RCSD1: variants seen among roughly 807,000 people sequenced by gnomAD.
RCSD1 encodes RCSD domain containing 1.
RCSD1 carries 26 observed loss-of-function variants against 42.5 expected under a neutral mutation model. The observed-to-expected ratio is 0.61, with a 90% CI of 0.45 to 0.85. The LOEUF (loss-of-function observed/expected upper bound fraction) is 0.85, where lower values mean the gene tolerates loss of function less well. Ranked by LOEUF, RCSD1 falls within the 40% of genes least tolerant of loss-of-function variation. The pLI is 0.00. For missense variants in RCSD1, 571 were observed against 528.3 expected (o/e 1.08, Z -0.79); for synonymous variants, 220 against 212.2 (o/e 1.04, Z -0.32).
chr1:167,655,345 T>G (rs928843035), intron 1 of RCSD1, among the ~76,000 whole-genome samples: 1 of 152,126 alleles, frequency 6.6e-6, no homozygotes, highest in African/African-American at 2.4e-5. Context: ...TTGTTTTCCC[T>G]GTGAAGAAAA....
chr1:167,667,296 T>C (rs1658684178), intron 1 of RCSD1, among the ~76,000 whole-genome samples: 1 of 152,188 alleles, frequency 6.6e-6, no homozygotes, highest in Non-Finnish European at 1.5e-5. Flanking sequence ...AGCCTCTCCC[T>C]TGGTGACTGA....
At chr1:167,669,859 C>T (rs1419072027) in intron 1 of RCSD1, among the ~76,000 whole-genome samples, 1 of 152,188 alleles carries the variant, frequency 6.6e-6, no homozygotes, top group Non-Finnish European at 1.5e-5. Flanking sequence ...GACGCTGTAA[C>T]AGGAGAGGCT....
chr1:167,703,087 A>G (rs756184656), intron 6 of RCSD1, among the ~76,000 whole-genome samples: 13 of 151,990 alleles, frequency 8.6e-5, no homozygotes, highest in Non-Finnish European at 1.5e-4. Flanking sequence ...AGAATCCCCT[A>G]CCTTTGTAAC....
At chr1:167,669,906 T>C (rs1203341676) in intron 1 of RCSD1, among the ~76,000 whole-genome samples, 1 of 152,118 alleles carries the variant, frequency 6.6e-6, no homozygotes, top group Non-Finnish European at 1.5e-5. Flanking sequence ...GCTGGGTCCT[T>C]AGGAAATTTG....
At position 167,704,835 on chromosome 1, in the gene RCSD1, G is replaced by T; in HGVS notation, c.*139G>T. On this transcript the variant is annotated 3_prime_UTR_variant, in exon 7 of 7. Transcript: ENST00000367854. ...TGTCTGGAGTCAGCCTGAAGACACAGGGTGGATTATTTCCTGGCCTCCACA... is the reference window on the plus strand; with the variant it reads ...TGTCTGGAGTCAGCCTGAAGACACATGGTGGATTATTTCCTGGCCTCCACA... 4 of 788,944 alleles carry T rather than the reference G, an allele frequency of 5.1e-6. No individual in the cohort carries two copies. The highest frequency in any genetic ancestry group is 8.3e-6 in the Non-Finnish European group (4 of 479,604). 48.9% of individuals were successfully genotyped at this position (788,944 alleles called of 1,614,324 possible).
rs145000061 is a variant in RCSD1 at position 167,649,045 on chromosome 1, T to G, written c.6+18616T>G. On this transcript the variant is annotated intron_variant, in intron 1 of 6. Coordinates refer to ENST00000367854, the MANE Select transcript of RCSD1 (RefSeq NM_052862.4). ...GTGATTGAAACAGTTTGGTTAAGTA[T>G]TCTAAGAGATCTGTGCTCAGAACAC... Among the ~76,000 whole-genome samples, 552 of 152,246 alleles carry G rather than the reference T, an allele frequency of 3.6e-3. 2 individuals are homozygous for G. The highest frequency in any genetic ancestry group is 0.012 in the African/African-American group (506 of 41,530).
At chr1:167,645,261 A>C (rs966616365) in intron 1 of RCSD1, among the ~76,000 whole-genome samples, 2 of 152,212 alleles carry the variant, frequency 1.3e-5, no homozygotes, top group Admixed American at 1.3e-4. Context: ...CTTTAGGAAA[A>C]TTTCATGCAC....
At chr1:167,630,610 TC>T in intron 1 of RCSD1, 181 bp downstream of exon 1, 1 of 528,162 alleles carries the variant, frequency 1.9e-6, no homozygotes, top group Non-Finnish European at 3.0e-6. Flanking sequence ...TCGTCCCTGG[TC>T]CCACCTAGGA....
At position 167,692,521 on chromosome 1, in the gene RCSD1, TTA is replaced by T. The variant is rs574173624; in HGVS notation, c.271-1576_271-1575del. On this transcript the variant is annotated intron_variant, in intron 4 of 6. Coordinates refer to ENST00000367854, the MANE Select transcript of RCSD1 (RefSeq NM_052862.4). The stretch of plus-strand genomic sequence containing the variant: ...TACTCCCCATATGCCGCTTTTTTTT[TTA>T]TTTTTATTTTTTTTAGACAAGGTCT... 8.5e-3 allele frequency among the ~76,000 whole-genome samples: 1,296 copies of T among 151,582 alleles called. 15 individuals carry two copies. The highest frequency in any genetic ancestry group is 0.03 in the African/African-American group (1,244 of 41,230).
At chr1:167,682,379 G>T (rs1659103246) in intron 1 of RCSD1, among the ~76,000 whole-genome samples, 1 of 152,154 alleles carries the variant, frequency 6.6e-6, no homozygotes, top group Non-Finnish European at 1.5e-5. Context: ...ACGTTGGCTA[G>T]ACTGGTCTCG....
chr1:167,686,010 A>G (rs1345488512), intron 3 of RCSD1, among the ~76,000 whole-genome samples: 32 of 152,252 alleles, frequency 2.1e-4, no homozygotes, highest in Admixed American at 2.0e-3. Context: ...CAGAGCGCAC[A>G]GGAGGCCTCG....
chr1:167,672,544 C>T (rs1483434579), intron 1 of RCSD1, among the ~76,000 whole-genome samples: 1 of 152,150 alleles, frequency 6.6e-6, no homozygotes, highest in Non-Finnish European at 1.5e-5. Flanking sequence ...TGGCTCCTTC[C>T]TCCATCTTCA....
Position 167,685,102 on chromosome 1 carries a change from C to A in RCSD1, c.109-319C>A, listed in dbSNP as rs187607457. On this transcript the variant is annotated intron_variant, in intron 2 of 6. Coordinates refer to ENST00000367854, the MANE Select transcript of RCSD1 (RefSeq NM_052862.4). Reference sequence around the variant, plus strand: ...GCATTGATCTCAGGTGCTGGCACTGCCTGAAAACTGAATGTGATTCAGGTC... The same window carrying A: ...GCATTGATCTCAGGTGCTGGCACTGACTGAAAACTGAATGTGATTCAGGTC... 5.3e-5 allele frequency among the ~76,000 whole-genome samples: 8 copies of A among 152,150 alleles called. No individual in the cohort carries two copies. The East Asian group carries it at 1.2e-3, about 22-fold the overall frequency.
At chr1:167,675,352 C>T (rs551046150) in intron 1 of RCSD1, among the ~76,000 whole-genome samples, 14 of 152,062 alleles carry the variant, frequency 9.2e-5, no homozygotes, top group South Asian at 8.3e-4. Flanking sequence ...ACACGGCCTA[C>T]ATGGCGGCAG....
intron 1 of RCSD1, among the ~76,000 whole-genome samples, chr1:167,650,975 G>A (rs888433614): frequency 1.3e-5 from 2 of 152,172 alleles, no homozygotes; most frequent in African/African-American, 4.8e-5. Flanking sequence ...GTGAGACGGA[G>A]GTGTCAGCAG....
At chr1:167,696,708 C>T (rs1409205635) in intron 5 of RCSD1, among the ~76,000 whole-genome samples, 1 of 152,164 alleles carries the variant, frequency 6.6e-6, no homozygotes, top group East Asian at 1.9e-4. Context: ...CTGCCTCAGC[C>T]TCCCAAAGTG....
intron 1 of RCSD1, among the ~76,000 whole-genome samples, chr1:167,669,328 C>T (rs1284185172): frequency 6.6e-6 from 1 of 152,202 alleles, no homozygotes; most frequent in Non-Finnish European, 1.5e-5. Flanking sequence ...CTGCCATTAC[C>T]TTGATAATGT....
At chr1:167,643,165 C>T (rs572611477) in intron 1 of RCSD1, among the ~76,000 whole-genome samples, 9 of 152,192 alleles carry the variant, frequency 5.9e-5, no homozygotes, top group Admixed American at 2.0e-4. Flanking sequence ...TACCTTGAAG[C>T]GTTCAATTAT....
rs536856203 is a variant in RCSD1, at chr1:167,677,734, G to A, written c.7-6166G>A. 3.7e-4 allele frequency among the ~76,000 whole-genome samples: 56 copies of A among 152,306 alleles called. 1 individual carries two copies. The South Asian group carries it at 5.0e-3, about 14-fold the overall frequency. ...GCAATCTGATATGCATTTGTCTCAG[G>A]TGAGCAGGAGACTGACTTAGAGTTC... On this transcript the variant is annotated intron_variant, in intron 1 of 6. Coordinates refer to ENST00000367854, the MANE Select transcript of RCSD1 (RefSeq NM_052862.4).
Sources: allele counts gnomAD v4.1 joint callset (sites outside exome capture counted in the v4.1 genomes callset), GRCh38; gene constraint gnomAD v4.1.1; transcripts MANE v1.5; gene names NCBI Gene and HGNC (gene_info 2026-07-23, HGNC 2026-07-21).